Variants in UTS2B observed in about 807,000 individuals in gnomAD.
UTS2B encodes the protein urotensin-2B.
Under a neutral mutation model 19.2 loss-of-function variants are expected in UTS2B, and 21 were observed. That is an observed-to-expected ratio of 1.09 (90% confidence interval 0.78 to 1.58). The LOEUF (loss-of-function observed/expected upper bound fraction) is 1.58, where lower values mean the gene tolerates loss of function less well. Among genes scored for constraint, UTS2B ranks in the 40% most tolerant of loss-of-function variants. The pLI is 0.00. For synonymous variants in UTS2B, 57 were observed against 50.2 expected (o/e 1.14, Z -0.58); for missense variants, 138 against 130.3 (o/e 1.06, Z -0.29).
chr3:191,334,891 C>G (rs1251771829), upstream of UTS2B, among the ~76,000 whole-genome samples: 1 of 152,104 alleles, frequency 6.6e-6, no homozygotes, highest in Non-Finnish European at 1.5e-5. Context: ...TTTTTTACAA[C>G]TTTTAGTTTT....
intron 7 of UTS2B, 89 bp from the exon 8 acceptor site, chr3:191,275,434 A>T: frequency 9.9e-7 from 1 of 1,006,492 alleles, no homozygotes; most frequent in Non-Finnish European, 1.5e-6. Flanking sequence ...TAATCCCAGC[A>T]CTTCGGGAGG....
At chr3:191,272,486 C>G (rs1008647478) in intron 8 of UTS2B, among the ~76,000 whole-genome samples, 1 of 152,280 alleles carries the variant, frequency 6.6e-6, no homozygotes, top group Non-Finnish European at 1.5e-5. Context: ...TTGCGATTAT[C>G]CTTTCCCTGT....
chr3:191,332,921 C>A (rs1354119736), upstream of UTS2B, among the ~76,000 whole-genome samples: 1 of 152,204 alleles, frequency 6.6e-6, no homozygotes, highest in Non-Finnish European at 1.5e-5. Flanking sequence ...AACTTCTTTG[C>A]AATTTCTTAA....
chr3:191,312,480 C>T (rs2108604425), intron 3 of UTS2B, among the ~76,000 whole-genome samples: 1 of 152,238 alleles, frequency 6.6e-6, no homozygotes, highest in South Asian at 2.1e-4. Context: ...CCCCCAAAAT[C>T]TTTATTCCTG....
At chr3:191,341,887 T>G in the UTS2B span, among the ~76,000 whole-genome samples, 1 of 152,230 alleles carries the variant, frequency 6.6e-6, no homozygotes, top group African/African-American at 2.4e-5. Context: ...GGTCACCTTA[T>G]TCTGTATAGA....
Position 191,329,313 on chromosome 3 carries a change from A to G in UTS2B, c.-664-604T>C, listed in dbSNP as rs1576941703. ...GCCAGCCACTCGCAATTGCGGTTACAGACCTGCAGCTCCCCCTCCCCCAGC... is the reference window on the plus strand; with the variant it reads ...GCCAGCCACTCGCAATTGCGGTTACGGACCTGCAGCTCCCCCTCCCCCAGC... On this transcript the variant is annotated intron_variant, in intron 1 of 8. Coordinates refer to ENST00000340524, the MANE Select transcript of UTS2B (RefSeq NM_198152.5). The G allele has an allele frequency of 1.7e-5, 4 of 234,278 alleles. No individual in the cohort carries two copies. The East Asian group carries it at 4.2e-4, about 24-fold the overall frequency. The allele number at this position is 234,278 out of a possible 1,614,324, so 14.5% of individuals were successfully genotyped here. A position where few individuals can be genotyped will look rare whatever the true frequency, so the allele number is the denominator to read the frequency against.
At chr3:191,290,958 A>T (rs956387534) in intron 4 of UTS2B, among the ~76,000 whole-genome samples, 2 of 152,180 alleles carry the variant, frequency 1.3e-5, no homozygotes, top group Non-Finnish European at 2.9e-5. Flanking sequence ...CTTCTCTCTG[A>T]CTATTAATTC....
upstream of UTS2B, among the ~76,000 whole-genome samples, chr3:191,335,069 A>G (rs1718097475): frequency 6.6e-6 from 1 of 152,212 alleles, no homozygotes. Context: ...TTGGAGAAAT[A>G]AAGTCATAGG....
At chr3:191,345,161 G>A in the UTS2B span, among the ~76,000 whole-genome samples, 1 of 152,184 alleles carries the variant, frequency 6.6e-6, no homozygotes, top group Non-Finnish European at 1.5e-5. Flanking sequence ...ACCTGCATCA[G>A]CATCTTCTAA....
intron 4 of UTS2B, among the ~76,000 whole-genome samples, chr3:191,285,308 C>T (rs2164235): frequency 0.46 from 69,623 of 151,868 alleles, 18,003 homozygotes; most frequent in Non-Finnish European, 0.59. Flanking sequence ...TTTAGCTTCA[C>T]GGTAAGCACA....
chr3:191,328,010 A>G (rs1029387687), intron 2 of UTS2B, among the ~76,000 whole-genome samples: 1 of 152,218 alleles, frequency 6.6e-6, no homozygotes, highest in East Asian at 1.9e-4. Context: ...GGTCGAAAAT[A>G]TTATGTCCTA....
Position 191,309,200 on chromosome 3 carries a change from C to A in UTS2B, c.-181-4652G>T, listed in dbSNP as rs541833653. Among the ~76,000 whole-genome samples, 9 of 152,208 alleles carry A rather than the reference C, an allele frequency of 5.9e-5. No individual in the cohort carries two copies. In the South Asian group the frequency reaches 1.9e-3, roughly 32 times the overall value. On this transcript the variant is annotated intron_variant, in intron 3 of 8. Coordinates refer to ENST00000340524, the MANE Select transcript of UTS2B (RefSeq NM_198152.5). ...TTTTTTTAAAACGGAGTCTCGCTCT[C>A]GCCCAGGCTGGAGTGCAGTGGTGCC...
intron 4 of UTS2B, among the ~76,000 whole-genome samples, chr3:191,283,507 CT>C (rs1416172641): frequency 1.3e-5 from 2 of 152,108 alleles, no homozygotes; most frequent in East Asian, 3.8e-4. Context: ...AAATTCATTT[CT>C]TCTTTCATTA....
chr3:191,315,187 A>T (rs1717415442), intron 3 of UTS2B, among the ~76,000 whole-genome samples: 1 of 151,978 alleles, frequency 6.6e-6, no homozygotes, highest in Non-Finnish European at 1.5e-5. Flanking sequence ...CAATTTTTGT[A>T]TTTTTAGTAG....
the UTS2B span, among the ~76,000 whole-genome samples, chr3:191,338,486 A>G: frequency 2.8e-4 from 42 of 152,310 alleles, no homozygotes; most frequent in East Asian, 6.8e-3. Context: ...GGAAAGGGCT[A>G]TTCACTCTCA....
chr3:191,330,215 C>A (rs1012327527), intron 1 of UTS2B, among the ~76,000 whole-genome samples, 199 bp downstream of exon 1: 2 of 152,100 alleles, frequency 1.3e-5, no homozygotes, highest in Admixed American at 6.5e-5. Flanking sequence ...GACTTTCCCA[C>A]CTTCCTCAAG....
rs530824781 is a variant in UTS2B, at chr3:191,276,938, T to C, written c.203-94A>G. The C allele has an allele frequency of 1.5e-4, 169 of 1,124,510 alleles. 1 individual carries two copies. In the South Asian group the frequency reaches 1.8e-3, roughly 12 times the overall value. The allele number at this position is 1,124,510 out of a possible 1,614,324, so 69.7% of individuals were successfully genotyped here. A position where few individuals can be genotyped will look rare whatever the true frequency, so the allele number is the denominator to read the frequency against. On this transcript the variant is annotated intron_variant, in intron 6 of 8. Transcript: ENST00000340524. ...CATTTAAGATCTTACGTAGAAAGCA[T>C]AGGTCTTTTTCATATGATTTGACAT...
At chr3:191,322,266 A>G (rs959276847) in intron 2 of UTS2B, among the ~76,000 whole-genome samples, 4 of 152,324 alleles carry the variant, frequency 2.6e-5, no homozygotes, top group Middle Eastern at 3.4e-3. Context: ...TCATTGACTT[A>G]GGTCACTTTT....
At chr3:191,296,259 ACACT>A (rs1387555527) in intron 4 of UTS2B, among the ~76,000 whole-genome samples, 1 of 144,568 alleles carries the variant, frequency 6.9e-6, no homozygotes, top group Non-Finnish European at 1.6e-5. Context: ...CAACTTACAC[ACACT>A]CACACACACA....
Sources: allele counts gnomAD v4.1 joint callset (sites outside exome capture counted in the v4.1 genomes callset), GRCh38; gene constraint gnomAD v4.1.1; transcripts MANE v1.5; gene names NCBI Gene and HGNC (gene_info 2026-07-23, HGNC 2026-07-21).